Variants in SPINK2 observed in about 807,000 individuals in gnomAD.
The protein encoded by SPINK2 is serine protease inhibitor Kazal-type 2.
A neutral mutation model predicts 13.5 loss-of-function variants in SPINK2; 8 were observed. The ratio of observed to expected loss-of-function variants is 0.59; its 90% CI spans 0.35 to 1.07. The LOEUF (loss-of-function observed/expected upper bound fraction) is 1.07, where lower values mean the gene tolerates loss of function less well. Among genes scored for constraint, SPINK2 ranks in the 50% least tolerant of loss-of-function variants. The probability of loss-of-function intolerance (pLI) is 0.02; values close to 1 mark genes in which losing one functional copy is unlikely to be tolerated. For synonymous variants in SPINK2, 76 were observed against 74.7 expected, an observed-to-expected ratio of 1.02 and a Z score of -0.09; for missense variants, 148 against 180.3, an observed-to-expected ratio of 0.82 and a Z score of 1.03.
At chr4:56,814,887 G>T (rs1192472667) in intron 2 of SPINK2, among the ~76,000 whole-genome samples, 4 of 150,812 alleles carry the variant, frequency 2.7e-5, no homozygotes, top group Non-Finnish European at 5.9e-5. Context: ...CGTGAACCCA[G>T]GAGGCACAGC....
At chr4:56,821,437 C>T (rs1335435422) in intron 1 of SPINK2, 21 bp downstream of exon 1, 57 of 1,498,708 alleles carry the variant, frequency 3.8e-5, no homozygotes, top group Non-Finnish European at 4.9e-5. Context: ...CCCCCACAAC[C>T]CCCAGTTCGC....
Position 56,820,621 on chromosome 4 carries a change from G to A in SPINK2, c.206-42C>T, listed in dbSNP as rs770038670. ...TAGACATTTTACAGTATAGGATCAA[G>A]GTAAGGTATTGTTCATGAAGTTTTT... On this transcript the variant is annotated intron_variant, in intron 1 of 3. Transcript: ENST00000506738. 7 of 1,507,866 alleles carry A rather than the reference G, an allele frequency of 4.6e-6. No homozygotes were observed. The South Asian group carries it at 5.9e-5, about 13-fold the overall frequency. The allele number at this position is 1,507,866 out of a possible 1,614,324, so 93.4% of individuals were successfully genotyped here. A position where few individuals can be genotyped will look rare whatever the true frequency, so the allele number is the denominator to read the frequency against.
At chr4:56,813,190 G>C (rs2109652859) in intron 2 of SPINK2, among the ~76,000 whole-genome samples, 1 of 152,234 alleles carries the variant, frequency 6.6e-6, no homozygotes, top group East Asian at 1.9e-4. Context: ...GGGGGTGGTG[G>C]CGCATGCTTG....
intron 1 of SPINK2, among the ~76,000 whole-genome samples, chr4:56,821,101 A>G (rs1289379439): frequency 6.6e-6 from 1 of 152,270 alleles, no homozygotes; most frequent in African/African-American, 2.4e-5. Context: ...CCAAGGAAGT[A>G]ACCCTTAATT....
rs1226547367 is a variant in SPINK2 at position 56,815,793 on chromosome 4, CACACAA to C, written c.250-4005_250-4000del. On this transcript the variant is annotated intron_variant, in intron 2 of 3. Coordinates refer to ENST00000506738, the MANE Select transcript of SPINK2 (RefSeq NM_001271718.2). ...ACACACACACACACACACACACACA[CACACAA>C]AACTATTATTACTAATAAACAAGGC... 2.3e-3 allele frequency among the ~76,000 whole-genome samples: 334 copies of C among 147,796 alleles called. 1 individual carries two copies. Among genetic ancestry groups the C allele is most frequent in the African/African-American group, 8.2e-3 (325 of 39,710 alleles).
Position 56,821,650 on chromosome 4 carries a change from C to A in SPINK2, c.13G>T (p.Val5Leu). Residue 5 changes from valine (V) to leucine (L), a missense_variant, in exon 1 of 4, where the codon GTG becomes TTG. By Grantham distance (32) the Val-to-Leu change is conservative. Coordinates refer to ENST00000506738, the MANE Select transcript of SPINK2 (RefSeq NM_001271718.2). ...AGGAGCAGCAGCGCCAAGCGCAGCA[C>A]CGACAGCGCCATCCTCCTCCCGCGC... is the stretch of plus-strand genomic sequence containing the variant. MALS[V>L]LRLALLLLAV... 1 of 1,541,540 alleles carries A rather than the reference C, an allele frequency of 6.5e-7. No homozygotes were observed. Among genetic ancestry groups the A allele is most frequent in the Non-Finnish European group, 8.7e-7 (1 of 1,145,216 alleles).
At chr4:56,810,338 CAA>C in intron 3 of SPINK2, 154 bp from the exon 4 acceptor site, 1 of 706,212 alleles carries the variant, frequency 1.4e-6, no homozygotes, top group Admixed American at 3.4e-5. Flanking sequence ...ATCTAGGAAA[CAA>C]AGAGGGTGAA....
rs114353622 is a variant in SPINK2, at chr4:56,813,518, T to C, written c.250-1724A>G. 6.7e-3 allele frequency among the ~76,000 whole-genome samples: 1,012 copies of C among 152,088 alleles called. 14 individuals carry two copies. Among genetic ancestry groups the C allele is most frequent in the African/African-American group, 0.022 (926 of 41,484 alleles). ...CCAGTGAGCGTTATCAACTGAGCTC[T>C]GCCTCCTGTCAGGTCAGCGATGGCA... On this transcript the variant is annotated intron_variant, in intron 2 of 3. Transcript: ENST00000506738.
At chr4:56,818,915 C>G (rs529918802) in intron 2 of SPINK2, among the ~76,000 whole-genome samples, 1 of 152,190 alleles carries the variant, frequency 6.6e-6, no homozygotes, top group Non-Finnish European at 1.5e-5. Flanking sequence ...TTATACCTGA[C>G]AACATGCATA....
At chr4:56,818,784 G>A (rs377151741) in intron 2 of SPINK2, among the ~76,000 whole-genome samples, 25 of 152,102 alleles carry the variant, frequency 1.6e-4, no homozygotes, top group Non-Finnish European at 3.4e-4. Flanking sequence ...TTGAAACGAA[G>A]GTACCATAAC....
rs1553894589 is a variant in SPINK2 at position 56,814,666 on chromosome 4, T to TTA, written c.250-2873_250-2872insTA. On this transcript the variant is annotated intron_variant, in intron 2 of 3. Transcript: ENST00000506738. ...TCCAAAACTCTTTTATGATTTTTTTTAAAAAAAAGAGGTGGCCAGGCGCGG... is the reference window on the plus strand; with the variant it reads ...TCCAAAACTCTTTTATGATTTTTTTTTAAAAAAAAAGAGGTGGCCAGGCGCGG... 3.9e-3 allele frequency among the ~76,000 whole-genome samples: 597 copies of TTA among 151,548 alleles called. 8 individuals carry two copies. Among genetic ancestry groups the TTA allele is most frequent in the African/African-American group, 0.013 (553 of 41,330 alleles).
In SPINK2 at chr4:56,820,473, C is replaced by T. The variant is rs911787772; in HGVS notation, c.249+63G>A. On this transcript the variant is annotated intron_variant, in intron 2 of 3. Coordinates refer to ENST00000506738, the MANE Select transcript of SPINK2 (RefSeq NM_001271718.2). The stretch of plus-strand genomic sequence containing the variant: ...CAGGTCAGACCTGAAAGCCAGCCTC[C>T]CTCCCAAACGGTTTTGGGCTTCACT... 8 of 1,362,172 alleles carry T rather than the reference C, an allele frequency of 5.9e-6. No individual in the cohort carries two copies. In the African/African-American group the frequency reaches 8.6e-5, roughly 15 times the overall value. The allele number at this position is 1,362,172 out of a possible 1,614,324, so 84.4% of individuals were successfully genotyped here.
intron 2 of SPINK2, chr4:56,818,439 C>G (rs1578436573): frequency 1.3e-5 from 2 of 152,110 alleles, no homozygotes; most frequent in African/African-American, 4.8e-5. Flanking sequence ...TGGGTGCATC[C>G]TGTGAGGTCA....
chr4:56,817,700 A>G (rs1221720985), intron 2 of SPINK2, among the ~76,000 whole-genome samples: 1 of 152,064 alleles, frequency 6.6e-6, no homozygotes, highest in Admixed American at 6.6e-5. Flanking sequence ...CTAAAGATAT[A>G]GAAATTAGCC....
At chr4:56,812,349 G>A (rs1405264271) in intron 2 of SPINK2, among the ~76,000 whole-genome samples, 2 of 151,488 alleles carry the variant, frequency 1.3e-5, no homozygotes, top group Non-Finnish European at 2.9e-5. Context: ...GAGACTGGGA[G>A]TTCGAGACCA....
intron 2 of SPINK2, among the ~76,000 whole-genome samples, chr4:56,814,781 G>A (rs551577234): frequency 4.8e-4 from 73 of 151,954 alleles, no homozygotes; most frequent in Admixed American, 6.6e-4. Flanking sequence ...CTAACACGAT[G>A]AAACCCCGCC....
At chr4:56,811,389 C>T (rs570082408) in intron 3 of SPINK2, among the ~76,000 whole-genome samples, 10 of 152,160 alleles carry the variant, frequency 6.6e-5, no homozygotes, top group Non-Finnish European at 1.3e-4. Flanking sequence ...GAGGCCAAGG[C>T]GGGTGGATCA....
chr4:56,814,383 C>A (rs1164761409), intron 2 of SPINK2, among the ~76,000 whole-genome samples: 1 of 151,976 alleles, frequency 6.6e-6, no homozygotes, highest in Non-Finnish European at 1.5e-5. Flanking sequence ...CTGAAAGGTT[C>A]TTATACCGTT....
In SPINK2 at chr4:56,811,761, G is replaced by T; in HGVS notation, c.283C>A (p.Pro95Thr). ...CCACACACAGGGTTAAAGTGTCTGG[G>T]ACATCCTGGTAATCTATACTGAGAG... ...NCSQYRLPGC[P>T]RHFNPVCGSD... is the part of the protein sequence containing the mutation. Residue 95 changes from proline to threonine, a missense_variant, in exon 3 of 4, where the codon CCC becomes ACC. Physicochemically the swap from Pro to Thr is conservative, Grantham distance 38 (BLOSUM62 -1). Transcript: ENST00000506738. The T allele has an allele frequency of 1.2e-6, 2 of 1,611,268 alleles. No homozygotes were observed. The highest frequency in any genetic ancestry group is 2.2e-5 in the South Asian group (2 of 90,936).
Sources: gnomAD v4.1 joint callset for allele counts (sites outside exome capture counted in the v4.1 genomes callset) on GRCh38, gnomAD v4.1.1 for gene constraint, MANE v1.5 for transcripts, NCBI Gene and HGNC (gene_info 2026-07-23, HGNC 2026-07-21) for gene names.